Variants in SNX19 observed in about 807,000 individuals in gnomAD.
SNX19 encodes sorting nexin 19, also known as sorting nexin-19.
A neutral mutation model predicts 85.2 loss-of-function variants in SNX19; 60 were observed. The observed-to-expected ratio is 0.70, with a 90% CI of 0.57 to 0.87. The LOEUF is 0.87. Among genes scored for constraint, SNX19 ranks in the 40% least tolerant of loss-of-function variants. The pLI, the probability that SNX19 is intolerant of heterozygous loss-of-function variation, is 0.00. For synonymous variants in SNX19, 520 were observed against 470.0 expected (o/e 1.11, Z -1.38); for missense variants, 1,201 against 1,217.8 (o/e 0.99, Z 0.21).
intron 8 of SNX19, among the ~76,000 whole-genome samples, chr11:130,900,972 C>T (rs943253388): frequency 6.6e-6 from 1 of 152,182 alleles, no homozygotes; most frequent in Non-Finnish European, 1.5e-5. Context: ...CTACTATGTC[C>T]AGGCCCTGTA....
rs976571816 is a variant in SNX19 at position 130,871,069 on chromosome 11, G to T, written c.*7353C>A. ...AGCCTACTTGCCCAGCTGGAGAAGAGAAGGTAATCTACCACGTGGAAGGAA... is the reference window on the plus strand; with the variant it reads ...AGCCTACTTGCCCAGCTGGAGAAGATAAGGTAATCTACCACGTGGAAGGAA... On this transcript the variant is annotated 3_prime_UTR_variant, in exon 11 of 11. Coordinates refer to ENST00000265909, the MANE Select transcript of SNX19 (RefSeq NM_014758.3). Among the ~76,000 whole-genome samples, 4 of 152,070 alleles carry T rather than the reference G, an allele frequency of 2.6e-5. No individual in the cohort carries two copies. Among genetic ancestry groups the T allele is most frequent in the Non-Finnish European group, 5.9e-5 (4 of 68,026 alleles).
At chr11:130,881,371 C>T (rs1466244855) in intron 8 of SNX19, among the ~76,000 whole-genome samples, 3 of 152,162 alleles carry the variant, frequency 2.0e-5, no homozygotes, top group Admixed American at 6.5e-5. Flanking sequence ...GTGCCATCTA[C>T]CGTACAAGAA....
Position 130,870,952 on chromosome 11 carries a change from T to C in SNX19, c.*7470A>G, listed in dbSNP as rs1943004056. ...ACATTGACTAGAGAGGCAGTGTAAA[T>C]AACTGAAAAGAAAGTGGGAAGAGTT... is the stretch of plus-strand genomic sequence containing the variant. On this transcript the variant is annotated 3_prime_UTR_variant, in exon 11 of 11. Transcript: ENST00000265909. Among the ~76,000 whole-genome samples the C allele has an allele frequency of 6.6e-6, 1 of 152,042 alleles. No homozygotes were observed. The highest frequency in any genetic ancestry group is 2.4e-5 in the African/African-American group (1 of 41,408).
rs1192719514 is a variant in SNX19, at chr11:130,866,756, GA to G, written c.*11665del. The G allele has an allele frequency of 6.6e-6, 1 of 152,180 alleles. No homozygotes were observed. Among genetic ancestry groups the G allele is most frequent in the Non-Finnish European group, 1.5e-5 (1 of 68,030 alleles). 9.4% of individuals were successfully genotyped at this position (152,180 alleles called of 1,614,324 possible). The stretch of plus-strand genomic sequence containing the variant: ...AAAGACCTTGGGTGAACTTTTCATT[GA>G]AACACTGAAGGCTTTAGGTTCATAC... On this transcript the variant is annotated 3_prime_UTR_variant, in exon 11 of 11. Coordinates refer to ENST00000265909, the MANE Select transcript of SNX19 (RefSeq NM_014758.3).
At chr11:130,903,011 C>A in intron 8 of SNX19, 1 of 425,872 alleles carries the variant, frequency 2.3e-6, no homozygotes, top group Non-Finnish European at 4.2e-6. Context: ...TTTAGGATCA[C>A]ACACAGTGTC....
chr11:130,900,864 C>G (rs558426845), intron 8 of SNX19, among the ~76,000 whole-genome samples: 1 of 152,030 alleles, frequency 6.6e-6, no homozygotes, highest in Non-Finnish European at 1.5e-5. Context: ...TTAGTGACAT[C>G]CAGAGGTGAC....
At chr11:130,903,869 T>C (rs1423485509) in intron 7 of SNX19, among the ~76,000 whole-genome samples, 2 of 152,074 alleles carry the variant, frequency 1.3e-5, no homozygotes, top group Non-Finnish European at 2.9e-5. Context: ...GCCTCCTCTC[T>C]TTCCAACCTT....
chr11:130,877,366 G>A lies in SNX19; in HGVS notation c.*1056C>T, dbSNP rs1487435774. On this transcript the variant is annotated 3_prime_UTR_variant, in exon 11 of 11. Transcript: ENST00000265909. ...TTGCCTTCATGCTGGTGTTGTTAAA[G>A]GACTGATTATAACCGTAAGGAATGG... is the stretch of plus-strand genomic sequence containing the variant. 2 of 152,158 alleles carry A rather than the reference G, an allele frequency of 1.3e-5. No homozygotes were observed. 9.4% of individuals were successfully genotyped at this position (152,158 alleles called of 1,614,324 possible).
At chr11:130,883,547 G>C (rs1486516500) in intron 8 of SNX19, among the ~76,000 whole-genome samples, 1 of 152,236 alleles carries the variant, frequency 6.6e-6, no homozygotes, top group Non-Finnish European at 1.5e-5. Flanking sequence ...CAGAGTGCCA[G>C]CTTTCCTTAT....
chr11:130,874,347 TG>T lies in SNX19; in HGVS notation c.*4074del, dbSNP rs1943141013. On this transcript the variant is annotated 3_prime_UTR_variant, in exon 11 of 11. Transcript: ENST00000265909. ...TAGAAGAGGATTCTTGAAGGACTTC[TG>T]GGAAATGGTTCCTTCATTCCTTAGA... Among the ~76,000 whole-genome samples, 1 of 152,232 alleles carries T rather than the reference TG, an allele frequency of 6.6e-6. No homozygotes were observed.
chr11:130,885,770 C>CTTATA lies in SNX19; in HGVS notation c.2574-4965_2574-4964insTATAA, dbSNP rs201248703. On this transcript the variant is annotated intron_variant, in intron 8 of 10. Transcript: ENST00000265909. The stretch of plus-strand genomic sequence containing the variant: ...AATCCAAGGGCAATTATGCTCCAAC[C>CTTATA]TTAAGATACCAAATACAGTTCAAAG... Among the ~76,000 whole-genome samples, 5 of 48,964 alleles carry CTTATA rather than the reference C, an allele frequency of 1.0e-4. No individual in the cohort carries two copies. In the Admixed American group the frequency reaches 1.3e-3, roughly 13 times the overall value. The allele number at this position is 48,964 out of a possible 152,430, so 32.1% of individuals were successfully genotyped here. A position where few individuals can be genotyped will look rare whatever the true frequency, so the allele number is the denominator to read the frequency against.
intron 8 of SNX19, among the ~76,000 whole-genome samples, chr11:130,897,526 C>T (rs914191769): frequency 6.6e-5 from 10 of 152,202 alleles, no homozygotes; most frequent in African/African-American, 1.9e-4. Flanking sequence ...GTGGCATTCA[C>T]GCATTCTGCT....
rs1467227783 is a variant in SNX19 at position 130,874,032 on chromosome 11, T to C, written c.*4390A>G. ...GAGTCATAAGAGGTTTTTTGTTTTT[T>C]TTTTTTTTATTTGGGGTCTCACTCT... is the stretch of plus-strand genomic sequence containing the variant. On this transcript the variant is annotated 3_prime_UTR_variant, in exon 11 of 11. Transcript: ENST00000265909. Among the ~76,000 whole-genome samples the C allele has an allele frequency of 6.6e-6, 1 of 152,032 alleles. No individual in the cohort carries two copies. Among genetic ancestry groups the C allele is most frequent in the African/African-American group, 2.4e-5 (1 of 41,368 alleles).
Position 130,914,765 on chromosome 11 carries a change from C to A in SNX19, c.1175G>T (p.Ser392Ile), listed in dbSNP as rs748530444. ...ATCCTGAATCCTGTCAGAGAGAAAG[C>A]TGCCTGGAGTCATGAGCATGATGGT... ...KETIMLMTPG[S>I]FLSDRIQDAL... is the part of the protein sequence containing the mutation. The change falls in exon 1 of 11, where the codon AGC becomes ATC. Residue 392 changes from serine (S) to isoleucine (I), a missense_variant. This residue lies in a region of SNX19 where 791 missense variants were observed against 750.9 expected (regional missense o/e 1.05). Coordinates refer to ENST00000265909, the MANE Select transcript of SNX19 (RefSeq NM_014758.3). 6.2e-7 allele frequency: 1 copy of A among 1,614,098 alleles called. No homozygotes were observed. The highest frequency in any genetic ancestry group is 1.3e-5 in the African/African-American group (1 of 74,946).
chr11:130,880,555 G>C, intron 9 of SNX19, 67 bp downstream of exon 9: 1 of 1,413,764 alleles, frequency 7.1e-7, no homozygotes, highest in Non-Finnish European at 9.7e-7. Flanking sequence ...AGGTGCAGGG[G>C]TAATGGTGGC....
At chr11:130,884,056 T>A (rs527776291) in intron 8 of SNX19, among the ~76,000 whole-genome samples, 3 of 152,342 alleles carry the variant, frequency 2.0e-5, no homozygotes, top group African/African-American at 7.2e-5. Flanking sequence ...CTGCCACTGG[T>A]TCTTGAGAGC....
intron 4 of SNX19, chr11:130,908,375 C>T (rs1038686088): frequency 8.8e-6 from 2 of 228,314 alleles, no homozygotes; most frequent in African/African-American, 4.5e-5. Flanking sequence ...GTTCTGCGGG[C>T]TGGTGATGTA....
intron 8 of SNX19, among the ~76,000 whole-genome samples, chr11:130,890,406 C>G (rs1346990897): frequency 2.0e-5 from 3 of 152,128 alleles, no homozygotes; most frequent in African/African-American, 7.2e-5. Flanking sequence ...CTCCACAGCA[C>G]TATTTAAATG....
intron 8 of SNX19, among the ~76,000 whole-genome samples, chr11:130,885,692 T>C (rs758921905): frequency 6.6e-5 from 10 of 152,100 alleles, no homozygotes; most frequent in Non-Finnish European, 1.0e-4. Flanking sequence ...ATAAGGAAAA[T>C]AACAGGTCCA....
Sources: gnomAD v4.1 joint callset for allele counts (sites outside exome capture counted in the v4.1 genomes callset) on GRCh38, gnomAD v4.1.1 for gene constraint, gnomAD v4.1.1 regional missense constraint, MANE v1.5 for transcripts, NCBI Gene and HGNC (gene_info 2026-07-23, HGNC 2026-07-21) for gene names.